Variants in EFHB observed in about 807,000 individuals in gnomAD.
The protein encoded by EFHB is EF-hand domain-containing family member B.
EFHB carries 91 observed loss-of-function variants against 87.2 expected under a neutral mutation model. The observed-to-expected ratio is 1.04, with a 90% CI of 0.88 to 1.24. The LOEUF (loss-of-function observed/expected upper bound fraction) is 1.24. Among genes scored for constraint, EFHB ranks in the 50% most tolerant of loss-of-function variants. EFHB has a pLI of 0.00. For synonymous variants in EFHB, 325 were observed against 333.6 expected (o/e 0.97, Z 0.28); for missense variants, 1,084 against 998.8 (o/e 1.09, Z -1.15).
chr3:19,895,873 C>T (rs1443419376), intron 9 of EFHB, among the ~76,000 whole-genome samples: 1 of 152,152 alleles, frequency 6.6e-6, no homozygotes, highest in African/African-American at 2.4e-5. Flanking sequence ...TCTTATAGTG[C>T]TCCTCAGCAT....
At chr3:19,889,911 C>G (rs1245025211) in intron 9 of EFHB, among the ~76,000 whole-genome samples, 1 of 152,130 alleles carries the variant, frequency 6.6e-6, no homozygotes, top group African/African-American at 2.4e-5. Flanking sequence ...CGCTTGAATC[C>G]AGGAGGCCGA....
chr3:19,907,922 G>A (rs897213213), intron 5 of EFHB, among the ~76,000 whole-genome samples: 7 of 152,270 alleles, frequency 4.6e-5, no homozygotes, highest in Admixed American at 2.6e-4. Flanking sequence ...ATTGGGAAGG[G>A]TGTGGAGAAA....
At position 19,920,611 on chromosome 3, in the gene EFHB, G is replaced by A. The variant is rs1695406391; in HGVS notation, c.790-44C>T. ...GGTTGATCATTGCCAGGGTGGAAGA[G>A]GAGCATTTTGAAGAATGAAATTTAT... is the stretch of plus-strand genomic sequence containing the variant. On this transcript the variant is annotated intron_variant, in intron 1 of 12. Transcript: ENST00000295824. The A allele has an allele frequency of 6.8e-6, 10 of 1,476,746 alleles. No individual in the cohort carries two copies. In the South Asian group the frequency reaches 8.6e-5, roughly 13 times the overall value. 91.5% of individuals were successfully genotyped at this position (1,476,746 alleles called of 1,614,324 possible). A position where few individuals can be genotyped will look rare whatever the true frequency, so the allele number is the denominator to read the frequency against.
At position 19,882,804 on chromosome 3, in the gene EFHB, T is replaced by C. The variant is rs186364525; in HGVS notation, c.2147-73A>G. The C allele has an allele frequency of 5.8e-5, 78 of 1,333,732 alleles. No homozygotes were observed. In the East Asian group the frequency reaches 1.9e-3, roughly 32 times the overall value. 82.6% of individuals were successfully genotyped at this position (1,333,732 alleles called of 1,614,324 possible). ...TGTAACACAGTAGCCACCAGTCACA[T>C]GTGCATACTGAGCACTTAAAATGTA... On this transcript the variant is annotated intron_variant, in intron 11 of 12. Coordinates refer to ENST00000295824, the MANE Select transcript of EFHB (RefSeq NM_144715.4).
At chr3:19,945,795 G>C (rs1207092255) in intron 1 of EFHB, 4 of 152,032 alleles carry the variant, frequency 2.6e-5, no homozygotes, top group Non-Finnish European at 5.9e-5. Flanking sequence ...TCTGAAAGAC[G>C]GGCTGTTCAA....
chr3:19,914,108 T>C (rs916493763), intron 5 of EFHB, among the ~76,000 whole-genome samples: 1 of 152,132 alleles, frequency 6.6e-6, no homozygotes. Flanking sequence ...CATGCCTGAC[T>C]AATTTTTTAA....
chr3:19,919,549 C>T (rs1307047625), intron 3 of EFHB, among the ~76,000 whole-genome samples: 1 of 152,126 alleles, frequency 6.6e-6, no homozygotes, highest in South Asian at 2.1e-4. Flanking sequence ...GACAGTATTT[C>T]TCTTTATTGT....
At chr3:19,924,447 C>T (rs139419469) in intron 1 of EFHB, among the ~76,000 whole-genome samples, 1 of 151,970 alleles carries the variant, frequency 6.6e-6, no homozygotes, top group Non-Finnish European at 1.5e-5. Context: ...CTCCTGACCT[C>T]GTGATCCTCC....
chr3:19,920,089 T>C, intron 2 of EFHB, 113 bp from the exon 3 acceptor site: 11 of 1,084,096 alleles, frequency 1.0e-5, no homozygotes, highest in Non-Finnish European at 1.3e-5. Context: ...AGTAAATGCA[T>C]TTGGAACTAC....
intron 1 of EFHB, among the ~76,000 whole-genome samples, chr3:19,924,558 A>G (rs996245219): frequency 6.6e-6 from 1 of 152,084 alleles, no homozygotes; most frequent in African/African-American, 2.4e-5. Flanking sequence ...ATCCCTATGT[A>G]CTCGTGGATT....
intron 1 of EFHB, among the ~76,000 whole-genome samples, chr3:19,939,370 CTTTTTTTTTTTTT>C (rs147510880): frequency 1.2e-4 from 8 of 64,590 alleles, no homozygotes; most frequent in East Asian, 4.7e-4. Context: ...GTTGGGTCTC[CTTTTTTTTTTTTT>C]TTTTTTTTTT....
chr3:19,891,324 A>G (rs190747251), intron 9 of EFHB, among the ~76,000 whole-genome samples: 121 of 152,264 alleles, frequency 7.9e-4, no homozygotes, highest in Admixed American at 3.0e-3. Flanking sequence ...CCAAAATGCT[A>G]GAATTGTAGG....
intron 5 of EFHB, among the ~76,000 whole-genome samples, chr3:19,907,407 A>C (rs1694875692): frequency 2.0e-5 from 3 of 152,206 alleles, no homozygotes; most frequent in Non-Finnish European, 4.4e-5. Context: ...AAGAGATATC[A>C]ATGATGAAAA....
At chr3:19,892,070 T>C (rs1184971032) in intron 9 of EFHB, among the ~76,000 whole-genome samples, 2 of 152,306 alleles carry the variant, frequency 1.3e-5, no homozygotes, top group South Asian at 4.1e-4. Context: ...ATTCAAGTTA[T>C]GGAATTGCCA....
chr3:19,928,728 A>C (rs1695719761), intron 1 of EFHB, among the ~76,000 whole-genome samples: 1 of 152,224 alleles, frequency 6.6e-6, no homozygotes, highest in South Asian at 2.1e-4. Flanking sequence ...TTCAGGGGTG[A>C]GCCACCGTGC....
At chr3:19,929,908 G>A (rs772064631) in intron 1 of EFHB, among the ~76,000 whole-genome samples, 1 of 152,108 alleles carries the variant, frequency 6.6e-6, no homozygotes, top group Non-Finnish European at 1.5e-5. Flanking sequence ...TAACAACTCA[G>A]GCTCTCAAAT....
chr3:19,944,561 T>A (rs974495226), intron 1 of EFHB, among the ~76,000 whole-genome samples: 2 of 152,208 alleles, frequency 1.3e-5, no homozygotes, highest in African/African-American at 4.8e-5. Context: ...TTTCAATTTC[T>A]CTAAAACTAC....
chr3:19,925,014 G>C lies in EFHB; in HGVS notation c.790-4447C>G, dbSNP rs555315147. ...TAATCCCAGCACTTTGGGAAGCCGA[G>C]GTGGGCGGATCACGAGGTCAGGAGA... On this transcript the variant is annotated intron_variant, in intron 1 of 12. Coordinates refer to ENST00000295824, the MANE Select transcript of EFHB (RefSeq NM_144715.4). Among the ~76,000 whole-genome samples, 120 of 152,226 alleles carry C rather than the reference G, an allele frequency of 7.9e-4. 1 individual carries two copies. The highest frequency in any genetic ancestry group is 2.8e-3 in the African/African-American group (116 of 41,532).
intron 1 of EFHB, chr3:19,946,861 C>G (rs1696300103): frequency 6.6e-6 from 1 of 152,470 alleles, no homozygotes. Context: ...CCGCCAGGAG[C>G]CCAGAGACCC....
Sources: allele counts gnomAD v4.1 joint callset (sites outside exome capture counted in the v4.1 genomes callset), GRCh38; gene constraint gnomAD v4.1.1; transcripts MANE v1.5; gene names NCBI Gene and HGNC (gene_info 2026-07-23, HGNC 2026-07-21).